Variants in CHST8 observed in about 807,000 individuals in gnomAD.
CHST8 encodes the protein GALNAC-4-ST1.
CHST8 carries 10 observed loss-of-function variants against 15.0 expected under a neutral mutation model. That is an observed-to-expected ratio of 0.67 (90% CI 0.41 to 1.13). The LOEUF (loss-of-function observed/expected upper bound fraction) is 1.13. Ranked by LOEUF, CHST8 falls within the 50% of genes most tolerant of loss-of-function variation. The pLI is 0.00. For synonymous variants in CHST8, 259 were observed against 256.6 expected, an observed-to-expected ratio of 1.01 and a Z score of -0.09; for missense variants, 634 against 608.2, an observed-to-expected ratio of 1.04 and a Z score of -0.45.
chr19:33,628,567 T>G (rs2145433798), intron 1 of CHST8, among the ~76,000 whole-genome samples: 1 of 152,292 alleles, frequency 6.6e-6, no homozygotes, highest in Admixed American at 6.5e-5. Context: ...CAGTGTGTGA[T>G]GTAGGCAGTG....
chr19:33,769,348 C>A (rs955014011), intron 3 of CHST8, among the ~76,000 whole-genome samples: 2 of 152,228 alleles, frequency 1.3e-5, no homozygotes, highest in African/African-American at 4.8e-5. Context: ...AGCACCGTCA[C>A]ACCTTGATGA....
chr19:33,669,459 T>C (rs754458478), intron 2 of CHST8, among the ~76,000 whole-genome samples: 4 of 152,192 alleles, frequency 2.6e-5, no homozygotes, highest in Non-Finnish European at 2.9e-5. Context: ...CCTTAAATAA[T>C]GTTGGATCAA....
intron 3 of CHST8, among the ~76,000 whole-genome samples, chr19:33,724,596 G>C (rs1041983032): frequency 6.6e-6 from 1 of 152,226 alleles, no homozygotes; most frequent in Non-Finnish European, 1.5e-5. Flanking sequence ...AGCCTGGACA[G>C]TATTGCCTGG....
chr19:33,764,583 G>T lies in CHST8; in HGVS notation c.131-6830G>T, dbSNP rs534788546. On this transcript the variant is annotated intron_variant, in intron 3 of 4. Coordinates refer to ENST00000650847, the MANE Select transcript of CHST8 (RefSeq NM_001127895.2). ...CTGTACTGGGTCAAATTGGGTGCCCGCCCCACCCTCAAAAAATGCTCAATC... is the reference window on the plus strand; with the variant it reads ...CTGTACTGGGTCAAATTGGGTGCCCTCCCCACCCTCAAAAAATGCTCAATC... Among the ~76,000 whole-genome samples the T allele has an allele frequency of 1.2e-4, 18 of 152,262 alleles. No individual in the cohort carries two copies. The South Asian group carries it at 3.7e-3, about 32-fold the overall frequency.
At chr19:33,737,301 T>A (rs191189589) in intron 3 of CHST8, among the ~76,000 whole-genome samples, 2 of 152,358 alleles carry the variant, frequency 1.3e-5, no homozygotes, top group Middle Eastern at 3.4e-3. Context: ...TTGAATTCTT[T>A]CCTGCACAAA....
At chr19:33,713,413 G>A (rs561724786) in intron 3 of CHST8, among the ~76,000 whole-genome samples, 3 of 152,194 alleles carry the variant, frequency 2.0e-5, no homozygotes, top group South Asian at 2.1e-4. Flanking sequence ...TCTCATGAAC[G>A]CCACTGCAGC....
chr19:33,650,185 G>A (rs1325060046), intron 1 of CHST8, among the ~76,000 whole-genome samples: 11 of 152,116 alleles, frequency 7.2e-5, no homozygotes, highest in Admixed American at 1.3e-4. Context: ...GAAGTCTAAC[G>A]GTGGTTAGCA....
At chr19:33,682,313 A>G (rs527868345) in intron 2 of CHST8, among the ~76,000 whole-genome samples, 2 of 151,100 alleles carry the variant, frequency 1.3e-5, no homozygotes, top group South Asian at 4.2e-4. Context: ...CTGCCTGGAA[A>G]ACAGGCATGC....
intron 1 of CHST8, among the ~76,000 whole-genome samples, chr19:33,659,006 A>G (rs1205948676): frequency 8.0e-6 from 1 of 124,450 alleles, no homozygotes; most frequent in Non-Finnish European, 1.7e-5. Flanking sequence ...CAATGATTTT[A>G]TTTCTCTCTT....
At chr19:33,735,783 C>T (rs546355185) in intron 3 of CHST8, among the ~76,000 whole-genome samples, 53 of 152,294 alleles carry the variant, frequency 3.5e-4, no homozygotes, top group African/African-American at 1.3e-3. Context: ...GCCGAGATCG[C>T]GCCACTGCCT....
chr19:33,767,445 C>G (rs1349852081), intron 3 of CHST8, among the ~76,000 whole-genome samples: 1 of 152,246 alleles, frequency 6.6e-6, no homozygotes, highest in African/African-American at 2.4e-5. Flanking sequence ...CTCACACACT[C>G]ATCAGTCTCT....
intron 1 of CHST8, among the ~76,000 whole-genome samples, chr19:33,656,644 T>G (rs1972513324): frequency 6.6e-6 from 1 of 152,020 alleles, no homozygotes; most frequent in East Asian, 1.9e-4. Context: ...CAGGCGATCC[T>G]CCCACCTCAG....
chr19:33,657,107 T>A (rs980771633), intron 1 of CHST8, among the ~76,000 whole-genome samples: 6 of 150,348 alleles, frequency 4.0e-5, no homozygotes, highest in African/African-American at 1.5e-4. Context: ...TTCCTTGTGA[T>A]TGCCACTTTT....
chr19:33,623,861 C>T (rs1972017432), intron 1 of CHST8, among the ~76,000 whole-genome samples: 1 of 152,144 alleles, frequency 6.6e-6, no homozygotes, highest in African/African-American at 2.4e-5. Context: ...GGAGTTCATT[C>T]AGGAGCGTTC....
intron 1 of CHST8, among the ~76,000 whole-genome samples, chr19:33,644,883 G>A (rs1374405238): frequency 6.6e-6 from 1 of 152,202 alleles, no homozygotes; most frequent in Non-Finnish European, 1.5e-5. Flanking sequence ...AAGGTGAGAT[G>A]AGATTAGAGG....
intron 3 of CHST8, 32 bp downstream of exon 3, chr19:33,689,423 G>GC: frequency 6.6e-7 from 1 of 1,526,192 alleles, no homozygotes; most frequent in Non-Finnish European, 8.8e-7. Flanking sequence ...TGCCATCACT[G>GC]CCCCCAGCTT....
rs936660894 is a variant in CHST8, at chr19:33,675,320, C to G, written c.-87+7477C>G. Among the ~76,000 whole-genome samples, 3 of 152,332 alleles carry G rather than the reference C, an allele frequency of 2.0e-5. No individual in the cohort carries two copies. The South Asian group carries it at 6.2e-4, about 32-fold the overall frequency. ...TGTTGCGGATGGGGCTCCCTCCCTTCTACTGGACATAATGAGGATGCCTGT... is the reference window on the plus strand; with the variant it reads ...TGTTGCGGATGGGGCTCCCTCCCTTGTACTGGACATAATGAGGATGCCTGT... On this transcript the variant is annotated intron_variant, in intron 2 of 4. Coordinates refer to ENST00000650847, the MANE Select transcript of CHST8 (RefSeq NM_001127895.2).
chr19:33,664,887 AT>A (rs1281474245), intron 1 of CHST8, among the ~76,000 whole-genome samples: 7 of 152,132 alleles, frequency 4.6e-5, no homozygotes, highest in Non-Finnish European at 8.8e-5. Context: ...ACTGGACATA[AT>A]GGTCTCCAGT....
intron 3 of CHST8, among the ~76,000 whole-genome samples, chr19:33,749,062 C>G (rs1218044995): frequency 5.9e-5 from 9 of 152,108 alleles, no homozygotes; most frequent in Non-Finnish European, 1.3e-4. Flanking sequence ...CAAGGGGGGC[C>G]CCCAGCAGGA....
Sources: allele counts gnomAD v4.1 joint callset (sites outside exome capture counted in the v4.1 genomes callset), GRCh38; gene constraint gnomAD v4.1.1; transcripts MANE v1.5; gene names NCBI Gene and HGNC (gene_info 2026-07-23, HGNC 2026-07-21).